NTNG1: variants seen among roughly 807,000 people sequenced by gnomAD.
NTNG1 encodes netrin G1.
In NTNG1, 16 loss-of-function variants were observed where a neutral mutation model predicts 54.0. That is an observed-to-expected ratio of 0.30 (90% CI 0.20 to 0.45). The LOEUF is 0.45. Ranked by LOEUF, NTNG1 falls within the 20% of genes least tolerant of loss-of-function variation. The probability of loss-of-function intolerance (pLI) is 1.00; values close to 1 mark genes in which losing one functional copy is unlikely to be tolerated. For synonymous variants in NTNG1, 255 were observed against 263.1 expected (o/e 0.97, Z 0.30); for missense variants, 530 against 678.7 (o/e 0.78, Z 2.43).
intron 2 of NTNG1, among the ~76,000 whole-genome samples, chr1:107,256,712 G>T (rs1197986925): frequency 6.6e-6 from 1 of 152,172 alleles, no homozygotes; most frequent in Non-Finnish European, 1.5e-5. Flanking sequence ...GGAGAGGAGA[G>T]AGCGGGAGAG....
rs1557891932 is a variant in NTNG1, at chr1:107,314,436, TAAATAAATAA to T, written c.247-9841_247-9832del. ...ATAAATAAATAAATAAATAAATAAA[TAAATAAATAA>T]AAATGAGATACACACCTAGTTAACA... On this transcript the variant is annotated intron_variant, in intron 2 of 7. Coordinates refer to ENST00000370068, the MANE Select transcript of NTNG1 (RefSeq NM_001113226.3). 4.7e-3 allele frequency among the ~76,000 whole-genome samples: 196 copies of T among 41,634 alleles called. 1 individual carries two copies. The highest frequency in any genetic ancestry group is 0.013 in the African/African-American group (191 of 15,074). The allele number at this position is 41,634 out of a possible 152,430, so 27.3% of individuals were successfully genotyped here. A position where few individuals can be genotyped will look rare whatever the true frequency, so the allele number is the denominator to read the frequency against.
At chr1:107,143,243 G>A (rs549492795) in intron 1 of NTNG1, 1 of 152,094 alleles carries the variant, frequency 6.6e-6, no homozygotes, top group Non-Finnish European at 1.5e-5. Context: ...TGAACATAAA[G>A]CTGGTTTCCT....
intron 2 of NTNG1, among the ~76,000 whole-genome samples, chr1:107,305,661 T>C (rs1238576304): frequency 1.3e-5 from 2 of 152,156 alleles, no homozygotes; most frequent in African/African-American, 2.4e-5. Flanking sequence ...GATAGATAGA[T>C]AGCAAATATT....
At chr1:107,275,343 C>T (rs1205928121) in intron 2 of NTNG1, among the ~76,000 whole-genome samples, 1 of 152,006 alleles carries the variant, frequency 6.6e-6, no homozygotes, top group Admixed American at 6.5e-5. Flanking sequence ...CACCACTGCA[C>T]TCCAGCCTAG....
rs575461113 is a variant in NTNG1, at chr1:107,292,418, C to T, written c.247-31864C>T. Among the ~76,000 whole-genome samples, 7 of 152,198 alleles carry T rather than the reference C, an allele frequency of 4.6e-5. No individual in the cohort carries two copies. In the East Asian group the frequency reaches 1.4e-3, roughly 29 times the overall value. On this transcript the variant is annotated intron_variant, in intron 2 of 7. Coordinates refer to ENST00000370068, the MANE Select transcript of NTNG1 (RefSeq NM_001113226.3). ...ACATGAGCACAACAGGAGAGGGTTTCCCCCGCCCTATCCCACACACCAGCA... is the reference window on the plus strand; with the variant it reads ...ACATGAGCACAACAGGAGAGGGTTTTCCCCGCCCTATCCCACACACCAGCA...
rs1025774000 is a variant in NTNG1 at position 107,240,664 on chromosome 1, A to G, written c.247-83618A>G. On this transcript the variant is annotated intron_variant, in intron 2 of 7. Transcript: ENST00000370068. Reference sequence around the variant, plus strand: ...CATGTATTAAGTGCTCTTCATTAATACCTGGCTATCTGTTGGGTGTTCATG... The same window carrying G: ...CATGTATTAAGTGCTCTTCATTAATGCCTGGCTATCTGTTGGGTGTTCATG... Among the ~76,000 whole-genome samples the G allele has an allele frequency of 2.6e-5, 4 of 152,320 alleles. No homozygotes were observed. The South Asian group carries it at 8.3e-4, about 32-fold the overall frequency.
At chr1:107,429,313 A>G (rs1459569895) in intron 5 of NTNG1, among the ~76,000 whole-genome samples, 1 of 152,166 alleles carries the variant, frequency 6.6e-6, no homozygotes, top group African/African-American at 2.4e-5. Context: ...TCTCTAACAA[A>G]TGAATATGAA....
chr1:107,404,630 A>G (rs1395736081), intron 4 of NTNG1, among the ~76,000 whole-genome samples: 2 of 152,172 alleles, frequency 1.3e-5, no homozygotes, highest in African/African-American at 4.8e-5. Flanking sequence ...TGTCCCAGGC[A>G]GATCCAACAG....
At chr1:107,381,403 C>A (rs544555791) in intron 3 of NTNG1, among the ~76,000 whole-genome samples, 1 of 137,860 alleles carries the variant, frequency 7.3e-6, no homozygotes, top group African/African-American at 2.7e-5. Flanking sequence ...TAATTTGTTT[C>A]GTAAGCATTG....
chr1:107,406,154 G>A (rs1276298954), intron 4 of NTNG1, among the ~76,000 whole-genome samples: 3 of 152,118 alleles, frequency 2.0e-5, no homozygotes, highest in African/African-American at 7.2e-5. Flanking sequence ...AAGAATCAGA[G>A]TAAGTCTTAA....
chr1:107,191,125 G>A (rs979790301), intron 2 of NTNG1, among the ~76,000 whole-genome samples: 12 of 152,288 alleles, frequency 7.9e-5, no homozygotes, highest in Middle Eastern at 3.4e-3. Flanking sequence ...CATTCTAACC[G>A]GTGTGAGATG....
intron 4 of NTNG1, among the ~76,000 whole-genome samples, chr1:107,399,777 C>T (rs139957463): frequency 4.1e-4 from 63 of 152,290 alleles, no homozygotes; most frequent in Non-Finnish European, 6.0e-4. Flanking sequence ...GAGGACTGCA[C>T]ATTGCACTGT....
intron 2 of NTNG1, among the ~76,000 whole-genome samples, chr1:107,309,003 T>C (rs745877568): frequency 2.7e-3 from 255 of 94,698 alleles, no homozygotes; most frequent in Non-Finnish European, 4.5e-3. Flanking sequence ...GTATTATTGG[T>C]TCTTTCTTTT....
rs1678923069 is a variant in NTNG1, at chr1:107,484,670, G to A, written c.*3830G>A. Among the ~76,000 whole-genome samples, 1 of 152,174 alleles carries A rather than the reference G, an allele frequency of 6.6e-6. No individual in the cohort carries two copies. Among genetic ancestry groups the A allele is most frequent in the African/African-American group, 2.4e-5 (1 of 41,448 alleles). On this transcript the variant is annotated 3_prime_UTR_variant, in exon 8 of 8. Transcript: ENST00000370068. ...GCTCCCCTCACCTTCTCTTGGACCTGTGGTCTGACTGGAGTATAAGAAATT... is the reference window on the plus strand; with the variant it reads ...GCTCCCCTCACCTTCTCTTGGACCTATGGTCTGACTGGAGTATAAGAAATT...
At position 107,268,742 on chromosome 1, in the gene NTNG1, A is replaced by G. The variant is rs76023738; in HGVS notation, c.247-55540A>G. ...GAACTTATCTAAGATGAAATGTCCA[A>G]TTCCCACCTCCTTCCCAAAACCATT... On this transcript the variant is annotated intron_variant, in intron 2 of 7. Transcript: ENST00000370068. Among the ~76,000 whole-genome samples, 634 of 152,252 alleles carry G rather than the reference A, an allele frequency of 4.2e-3. 5 individuals carry two copies. The highest frequency in any genetic ancestry group is 0.014 in the African/African-American group (593 of 41,524).
chr1:107,270,909 T>C (rs1413485474), intron 2 of NTNG1, among the ~76,000 whole-genome samples: 1 of 152,060 alleles, frequency 6.6e-6, no homozygotes, highest in Non-Finnish European at 1.5e-5. Context: ...TCCAGAACAA[T>C]ACACAACATA....
At chr1:107,363,124 TTGTGTTGTA>T in intron 3 of NTNG1, among the ~76,000 whole-genome samples, 3 of 152,244 alleles carry the variant, frequency 2.0e-5, no homozygotes, top group Non-Finnish European at 2.9e-5. Context: ...GGTTTTTTCC[TTGTGTTGTA>T]AATATGAATT....
At chr1:107,262,477 C>T (rs961983423) in intron 2 of NTNG1, among the ~76,000 whole-genome samples, 7 of 152,132 alleles carry the variant, frequency 4.6e-5, no homozygotes, top group Non-Finnish European at 2.9e-5. Flanking sequence ...TTGTGGACTT[C>T]GAGTGATCAA....
chr1:107,336,698 T>C (rs538542801), intron 3 of NTNG1, among the ~76,000 whole-genome samples: 97 of 152,054 alleles, frequency 6.4e-4, no homozygotes, highest in African/African-American at 2.2e-3. Flanking sequence ...ACCCACAGAA[T>C]GGGTGGGAAT....
Sources: allele counts gnomAD v4.1 joint callset (sites outside exome capture counted in the v4.1 genomes callset), GRCh38; gene constraint gnomAD v4.1.1; transcripts MANE v1.5; gene names NCBI Gene and HGNC (gene_info 2026-07-23, HGNC 2026-07-21).